ZZEF1: variants seen among roughly 807,000 people sequenced by gnomAD.
ZZEF1 encodes zinc finger ZZ-type and EF-hand domain containing 1.
In ZZEF1, 157 loss-of-function variants were observed where a neutral mutation model predicts 342.8. That is an observed-to-expected ratio of 0.46 (90% confidence interval 0.40 to 0.52). The LOEUF is 0.52. Among genes scored for constraint, ZZEF1 ranks in the 20% least tolerant of loss-of-function variants. The pLI is 0.00. For synonymous variants in ZZEF1, 1,505 were observed against 1,429.1 expected, an observed-to-expected ratio of 1.05 and a Z score of -1.20; for missense variants, 3,480 against 3,725.6, an observed-to-expected ratio of 0.93 and a Z score of 1.72.
At chr17:4,023,174 C>G (rs893400806) in intron 43 of ZZEF1, among the ~76,000 whole-genome samples, 2 of 152,220 alleles carry the variant, frequency 1.3e-5, no homozygotes, top group Non-Finnish European at 2.9e-5. Flanking sequence ...CTGGAGCTTG[C>G]TACTCACTCC....
chr17:4,087,917 C>G (rs1446947598), intron 13 of ZZEF1, among the ~76,000 whole-genome samples: 1 of 152,110 alleles, frequency 6.6e-6, no homozygotes, highest in Non-Finnish European at 1.5e-5. Flanking sequence ...TATACTGACG[C>G]CTTCCCCGTG....
intron 16 of ZZEF1, among the ~76,000 whole-genome samples, chr17:4,085,208 A>G (rs1419609620): frequency 1.3e-5 from 2 of 152,192 alleles, no homozygotes; most frequent in African/African-American, 4.8e-5. Flanking sequence ...TGAAATAATA[A>G]TGGTCAGTGG....
In ZZEF1 at chr17:4,076,727, G is replaced by A. The variant is rs2057629478; in HGVS notation, c.3144C>T (p.Asp1048=). ...VIFLLDFCTL[D]IPHCVLLREF... is the part of the protein sequence containing the mutation. ...CTCTCAAGAGCACGCAGTGTGGGAT[G>A]TCTAAAGTGCAGAAGTCCAGCAGGA... The change falls in exon 21 of 55, where the codon GAC becomes GAT. Residue 1048 remains aspartate (D), a synonymous_variant. Transcript: ENST00000381638. The A allele has an allele frequency of 6.2e-7, 1 of 1,612,418 alleles. No individual in the cohort carries two copies. Among genetic ancestry groups the A allele is most frequent in the Non-Finnish European group, 8.5e-7 (1 of 1,178,520 alleles).
intron 13 of ZZEF1, among the ~76,000 whole-genome samples, chr17:4,087,981 TCTC>T (rs1171011380): frequency 2.6e-5 from 4 of 152,170 alleles, no homozygotes; most frequent in African/African-American, 9.7e-5. Context: ...TTTCCAGGCT[TCTC>T]CTTCTTATTT....
chr17:4,113,551 G>A (rs1209010288), intron 4 of ZZEF1, among the ~76,000 whole-genome samples: 1 of 152,048 alleles, frequency 6.6e-6, no homozygotes. Context: ...TTTAATCCCA[G>A]CCACCCAGGA....
chr17:4,012,736 C>A (rs557784409), intron 52 of ZZEF1, among the ~76,000 whole-genome samples: 1 of 152,110 alleles, frequency 6.6e-6, no homozygotes, highest in South Asian at 2.1e-4. Flanking sequence ...CGACTGTACA[C>A]CAAATAATCT....
intron 1 of ZZEF1, among the ~76,000 whole-genome samples, chr17:4,128,068 A>C (rs1327596187): frequency 6.6e-6 from 1 of 152,188 alleles, no homozygotes; most frequent in Non-Finnish European, 1.5e-5. Context: ...AGGAGAGGCC[A>C]GATGCGGTGG....
intron 9 of ZZEF1, 35 bp downstream of exon 9, chr17:4,102,282 C>T (rs62071004): frequency 0.13 from 212,969 of 1,579,008 alleles, 15,256 homozygotes; most frequent in African/African-American, 0.2. Context: ...TCCTGTCTAC[C>T]GAGCACACTA....
intron 42 of ZZEF1, 90 bp downstream of exon 42, chr17:4,032,036 C>T (rs1597787200): frequency 1.4e-6 from 2 of 1,417,512 alleles, no homozygotes; most frequent in East Asian, 2.4e-5. Context: ...ACACGCAGGC[C>T]AAGAGCCAAG....
chr17:4,112,386 T>TTCA (rs1279382849), intron 5 of ZZEF1, among the ~76,000 whole-genome samples: 1 of 152,078 alleles, frequency 6.6e-6, no homozygotes, highest in Non-Finnish European at 1.5e-5. Context: ...TCTCAAGTGA[T>TTCA]TCACCTGCCT....
chr17:4,007,812 C>T (rs2055842562), intron 54 of ZZEF1, among the ~76,000 whole-genome samples: 1 of 152,092 alleles, frequency 6.6e-6, no homozygotes, highest in South Asian at 2.1e-4. Context: ...AAAGAAGACC[C>T]TTTTCCTGCA....
Position 4,117,022 on chromosome 17 carries a change from C to G in ZZEF1, c.644G>C (p.Arg215Pro), listed in dbSNP as rs751020736. ...LEHCNNMCTM[R>P]SSVLKESLDQ... ...CAGAGACTCCTTCAGGACGGAAGAC[C>G]GCATGGTGCACATGTTATTGCAGTG... is the stretch of plus-strand genomic sequence containing the variant. The change falls in exon 3 of 55, where the codon CGG becomes CCG. Residue 215 changes from arginine to proline, a missense_variant. Coordinates refer to ENST00000381638, the MANE Select transcript of ZZEF1 (RefSeq NM_015113.4). 6.2e-7 allele frequency: 1 copy of G among 1,613,684 alleles called. No homozygotes were observed. The highest frequency in any genetic ancestry group is 8.5e-7 in the Non-Finnish European group (1 of 1,179,732).
chr17:4,097,133 C>T (rs535445136), intron 9 of ZZEF1, among the ~76,000 whole-genome samples: 1 of 151,678 alleles, frequency 6.6e-6, no homozygotes, highest in Non-Finnish European at 1.5e-5. Context: ...TGGTGGCGGG[C>T]GCCTGTAGTC....
rs1250641140 is a variant in ZZEF1 at position 4,017,693 on chromosome 17, G to A, written c.7679C>T (p.Ser2560Leu). 4 of 1,613,490 alleles carry A rather than the reference G, an allele frequency of 2.5e-6. No individual in the cohort carries two copies. In the South Asian group the frequency reaches 4.4e-5, roughly 18 times the overall value. The stretch of plus-strand genomic sequence containing the variant: ...GATCAGCTTCTGGGTCACAGGGTTC[G>A]ATTCAGCAGTGGCTTGGTCACAGCG... The part of the protein sequence containing the change: ...PARCDQATAE[S>L]NPVTQKLISS... Residue 2560 changes from serine (S) to leucine (L), a missense_variant, in exon 48 of 55, where the codon TCG becomes TTG. Ser to Leu is a moderately radical substitution (Grantham distance 145). Around this residue, in one of 5 missense-constraint regions of ZZEF1, gnomAD observed 1,269 missense variants for 1,342.4 expected, o/e 0.95. Transcript: ENST00000381638. This position sits in a 1 kb window ranked among gnomAD's most constrained non-coding sequence, Gnocchi z 5.1.
rs2056867033 is a variant in ZZEF1 at position 4,044,413 on chromosome 17, T to C, written c.6016-39A>G. ...AGTGTAAAAGAATTAAGGTTTCTTA[T>C]AACAAAGTTTGCTCCATGATTATGA... On this transcript the variant is annotated intron_variant, in intron 37 of 54. Transcript: ENST00000381638. 3.2e-6 allele frequency: 5 copies of C among 1,570,194 alleles called. No homozygotes were observed. In the East Asian group the frequency reaches 9.0e-5, roughly 28 times the overall value.
At chr17:4,090,657 T>C (rs377765705) in intron 12 of ZZEF1, 62 bp downstream of exon 12, 4 of 1,352,418 alleles carry the variant, frequency 3.0e-6, no homozygotes. Flanking sequence ...TGATACACAA[T>C]CACTACTCAA....
chr17:4,034,944 G>A (rs776773106), intron 39 of ZZEF1, among the ~76,000 whole-genome samples: 10 of 152,194 alleles, frequency 6.6e-5, no homozygotes, highest in Non-Finnish European at 1.2e-4. Context: ...GCTGCAGTGA[G>A]CCATGGTCAT....
chr17:4,022,674 A>G, intron 44 of ZZEF1, 35 bp downstream of exon 44: 1 of 1,612,854 alleles, frequency 6.2e-7, no homozygotes, highest in Non-Finnish European at 8.5e-7. Context: ...CATCTGCACC[A>G]GGAAAGAGGA....
At chr17:4,075,585 T>A (rs557151961) in intron 21 of ZZEF1, among the ~76,000 whole-genome samples, 156 bp from the exon 22 acceptor site, 4 of 152,276 alleles carry the variant, frequency 2.6e-5, no homozygotes, top group African/African-American at 9.6e-5. Flanking sequence ...GACATTCCCA[T>A]CTTCACACAG....
Sources: gnomAD v4.1 joint callset for allele counts (sites outside exome capture counted in the v4.1 genomes callset) on GRCh38, gnomAD v4.1.1 for gene constraint, gnomAD v4.1.1 regional missense constraint, Gnocchi (gnomAD v3.1) non-coding constraint, MANE v1.5 for transcripts, NCBI Gene and HGNC (gene_info 2026-07-23, HGNC 2026-07-21) for gene names.